Variants in CELF2 observed in about 807,000 individuals in gnomAD.
The protein encoded by CELF2 is CUG triplet repeat RNA-binding protein 2.
In CELF2, 8 loss-of-function variants were observed where a neutral mutation model predicts 62.6. That is an observed-to-expected ratio of 0.13 (90% CI 0.07 to 0.23). CELF2 has a LOEUF of 0.23. CELF2 is among the 10% of genes least tolerant of loss of function. The pLI, the probability that CELF2 is intolerant of heterozygous loss-of-function variation, is 1.00. For missense variants in CELF2, 333 were observed against 671.0 expected (o/e 0.50, Z 5.56); for synonymous variants, 258 against 250.0 (o/e 1.03, Z -0.30).
chr10:10,521,225 A>G, the CELF2 span, among the ~76,000 whole-genome samples: 1 of 152,190 alleles, frequency 6.6e-6, no homozygotes, highest in Admixed American at 6.5e-5. Flanking sequence ...CAGAGCTATG[A>G]CGACTCAGTG....
intron 1 of CELF2, among the ~76,000 whole-genome samples, chr10:11,045,297 C>G (rs1167798008): frequency 1.3e-5 from 2 of 152,114 alleles, no homozygotes; most frequent in African/African-American, 4.8e-5. Flanking sequence ...AGACAGGGGT[C>G]TCATTAAGTT....
the CELF2 span, among the ~76,000 whole-genome samples, chr10:10,624,390 C>T: frequency 3.3e-5 from 5 of 152,318 alleles, no homozygotes; most frequent in East Asian, 7.7e-4. Flanking sequence ...GATGGCATTA[C>T]CTGAGTCACT....
At chr10:10,467,044 A>T in the CELF2 span, among the ~76,000 whole-genome samples, 2 of 152,032 alleles carry the variant, frequency 1.3e-5, no homozygotes, top group Admixed American at 1.3e-4. Context: ...ATTTGAATTA[A>T]TCCAAATTAC....
At chr10:11,083,299 T>C (rs1015928197) in intron 1 of CELF2, among the ~76,000 whole-genome samples, 2 of 152,180 alleles carry the variant, frequency 1.3e-5, no homozygotes, top group Admixed American at 6.5e-5. Flanking sequence ...GAATTCCTAA[T>C]AATAGGAAAC....
chr10:11,113,704 T>C (rs1158532641), intron 1 of CELF2, among the ~76,000 whole-genome samples: 1 of 152,194 alleles, frequency 6.6e-6, no homozygotes, highest in African/African-American at 2.4e-5. Context: ...CCTTATTAAA[T>C]ACGACAGTCC....
At chr10:10,772,611 A>G in the CELF2 span, among the ~76,000 whole-genome samples, 9 of 152,234 alleles carry the variant, frequency 5.9e-5, no homozygotes, top group Non-Finnish European at 1.0e-4. Flanking sequence ...TGGTGCTATC[A>G]CAGAGGGAAC....
chr10:10,820,778 G>T (rs148293236), intron 1 of CELF2, among the ~76,000 whole-genome samples: 2 of 152,276 alleles, frequency 1.3e-5, no homozygotes, highest in Non-Finnish European at 2.9e-5. Context: ...ATTCAAGGCC[G>T]CATTGAAGAT....
intron 1 of CELF2, among the ~76,000 whole-genome samples, chr10:11,103,985 A>AGTT (rs74656426): frequency 0.49 from 73,995 of 151,742 alleles, 21,514 homozygotes; most frequent in East Asian, 0.82. Context: ...ATTTATGGTC[A>AGTT]GTTCTGTTTT....
the CELF2 span, among the ~76,000 whole-genome samples, chr10:10,587,047 C>T: frequency 6.6e-6 from 1 of 152,090 alleles, no homozygotes; most frequent in African/African-American, 2.4e-5. Context: ...ACCAGAGGTG[C>T]CCCTTTAGAA....
chr10:10,991,656 A>T (rs1315335622), intron 2 of CELF2, among the ~76,000 whole-genome samples: 1 of 152,130 alleles, frequency 6.6e-6, no homozygotes, highest in Non-Finnish European at 1.5e-5. Context: ...GAGGCTTTTC[A>T]TCTTTCATCA....
chr10:10,532,106 G>C, the CELF2 span, among the ~76,000 whole-genome samples: 1 of 152,248 alleles, frequency 6.6e-6, no homozygotes, highest in African/African-American at 2.4e-5. Context: ...AGGTACTCAA[G>C]TTCTTTCAAA....
chr10:11,142,436 G>A (rs1030540482), intron 1 of CELF2, among the ~76,000 whole-genome samples: 3 of 152,112 alleles, frequency 2.0e-5, no homozygotes, highest in African/African-American at 7.2e-5. Flanking sequence ...TGTAATCCCA[G>A]CACTTTGGGA....
chr10:10,766,677 C>T, the CELF2 span, among the ~76,000 whole-genome samples: 1 of 152,180 alleles, frequency 6.6e-6, no homozygotes, highest in Non-Finnish European at 1.5e-5. Context: ...TCACCCCTGC[C>T]ACCATGGCCA....
chr10:11,079,211 A>G (rs1238087012), intron 1 of CELF2, among the ~76,000 whole-genome samples: 1 of 152,188 alleles, frequency 6.6e-6, no homozygotes, highest in Non-Finnish European at 1.5e-5. Context: ...AAAAATGTAT[A>G]AATTTCATAC....
intron 1 of CELF2, among the ~76,000 whole-genome samples, chr10:11,067,437 T>C (rs2068478079): frequency 6.6e-6 from 1 of 152,230 alleles, no homozygotes; most frequent in Non-Finnish European, 1.5e-5. Flanking sequence ...ACTGCTCTTA[T>C]TAATCCACTG....
chr10:11,236,022 T>C (rs967942916), intron 3 of CELF2, among the ~76,000 whole-genome samples: 2 of 152,208 alleles, frequency 1.3e-5, no homozygotes, highest in South Asian at 4.1e-4. Context: ...TTGTCATTCC[T>C]AAACCAATGA....
At chr10:11,170,671 G>C (rs2068583589) in intron 2 of CELF2, among the ~76,000 whole-genome samples, 1 of 151,018 alleles carries the variant, frequency 6.6e-6, no homozygotes, top group African/African-American at 2.4e-5. Flanking sequence ...CCTGGTCCAG[G>C]AGGTGGAGGA....
chr10:11,072,094 C>T (rs1433365819), intron 1 of CELF2, among the ~76,000 whole-genome samples: 1 of 152,182 alleles, frequency 6.6e-6, no homozygotes, highest in Non-Finnish European at 1.5e-5. Context: ...CTGAGTTACA[C>T]ATTCCAGGTG....
chr10:10,535,138 A>G, the CELF2 span, among the ~76,000 whole-genome samples: 1 of 152,240 alleles, frequency 6.6e-6, no homozygotes, highest in Admixed American at 6.5e-5. Flanking sequence ...GAAGCACTCA[A>G]TACCCAATAC....
Sources: allele counts gnomAD v4.1 joint callset (sites outside exome capture counted in the v4.1 genomes callset), GRCh38; gene constraint gnomAD v4.1.1; transcripts MANE v1.5; gene names NCBI Gene and HGNC (gene_info 2026-07-23, HGNC 2026-07-21).